The following TMEM132D variants were observed in gnomAD, a reference collection of about 807,000 sequenced individuals.
The protein encoded by TMEM132D is transmembrane protein 132D.
TMEM132D carries 21 observed loss-of-function variants against 62.3 expected under a neutral mutation model. That is an observed-to-expected ratio of 0.34 (90% CI 0.24 to 0.49). TMEM132D has a LOEUF of 0.49. TMEM132D is among the 20% of genes least tolerant of loss of function. The probability of loss-of-function intolerance (pLI) is 0.99; values close to 1 mark genes in which losing one functional copy is unlikely to be tolerated. For synonymous variants in TMEM132D, 621 were observed against 575.6 expected, an observed-to-expected ratio of 1.08 and a Z score of -1.13; for missense variants, 1,346 against 1,402.8, an observed-to-expected ratio of 0.96 and a Z score of 0.65.
rs1460943478 is a variant in TMEM132D, at chr12:129,432,539, C to T, written c.1116-94722G>A. ...GACAACTTTTCTTCATTGGCATGGG[C>T]CATAAAGGAATGAGAGTGGTCTCAG... On this transcript the variant is annotated intron_variant, in intron 3 of 8. Coordinates refer to ENST00000422113, the MANE Select transcript of TMEM132D (RefSeq NM_133448.3). Among the ~76,000 whole-genome samples, 3 of 152,146 alleles carry T rather than the reference C, an allele frequency of 2.0e-5. No individual in the cohort carries two copies. In the East Asian group the frequency reaches 5.8e-4, roughly 29 times the overall value.
At chr12:129,607,870 T>C (rs1178056760) in intron 2 of TMEM132D, among the ~76,000 whole-genome samples, 1 of 152,182 alleles carries the variant, frequency 6.6e-6, no homozygotes, top group African/African-American at 2.4e-5. Flanking sequence ...CAGCTTTTAA[T>C]TCCACCCATC....
intron 3 of TMEM132D, among the ~76,000 whole-genome samples, chr12:129,421,370 G>C (rs1032403664): frequency 6.6e-6 from 1 of 152,160 alleles, no homozygotes; most frequent in African/African-American, 2.4e-5. Flanking sequence ...TCACAAATCA[G>C]CTACACTAAT....
At chr12:129,265,665 T>C (rs1880669316) in intron 4 of TMEM132D, among the ~76,000 whole-genome samples, 1 of 152,046 alleles carries the variant, frequency 6.6e-6, no homozygotes, top group South Asian at 2.1e-4. Flanking sequence ...CCTGGCCTGC[T>C]TGGGGCTCCT....
intron 4 of TMEM132D, among the ~76,000 whole-genome samples, chr12:129,299,332 G>A (rs991861136): frequency 7.2e-5 from 11 of 151,896 alleles, no homozygotes; most frequent in Non-Finnish European, 1.5e-5. Flanking sequence ...TACTGTTGGA[G>A]CTCCTGGATC....
At chr12:129,672,308 C>A (rs990925542) in intron 2 of TMEM132D, among the ~76,000 whole-genome samples, 1 of 152,178 alleles carries the variant, frequency 6.6e-6, no homozygotes, top group African/African-American at 2.4e-5. Flanking sequence ...CATAACCCTG[C>A]GCACTCTCAT....
chr12:129,322,401 A>T (rs1868747857), intron 4 of TMEM132D, among the ~76,000 whole-genome samples: 1 of 152,228 alleles, frequency 6.6e-6, no homozygotes, highest in Non-Finnish European at 1.5e-5. Flanking sequence ...CATGATGGCC[A>T]TTTCTCTTGA....
intron 6 of TMEM132D, among the ~76,000 whole-genome samples, chr12:129,083,898 C>T (rs1874529385): frequency 6.6e-6 from 1 of 152,178 alleles, no homozygotes; most frequent in South Asian, 2.1e-4. Flanking sequence ...CTACCAAGCA[C>T]CATCGGGGTA....
intron 2 of TMEM132D, among the ~76,000 whole-genome samples, chr12:129,674,304 A>G (rs1393826806): frequency 6.6e-6 from 1 of 152,204 alleles, no homozygotes; most frequent in East Asian, 1.9e-4. Context: ...GGCAAATAAA[A>G]TGGATAAATT....
At chr12:129,078,395 G>T (rs769400733) in intron 8 of TMEM132D, 139 bp downstream of exon 8, 7 of 778,810 alleles carry the variant, frequency 9.0e-6, no homozygotes, top group African/African-American at 1.7e-5. Context: ...CTTCAGAAGA[G>T]CCCTTTGCAG....
intron 1 of TMEM132D, among the ~76,000 whole-genome samples, chr12:129,765,928 C>G (rs1870537654): frequency 6.6e-6 from 1 of 152,194 alleles, no homozygotes; most frequent in South Asian, 2.1e-4. Context: ...TTCTGCTCAC[C>G]AGTGTCTGCT....
Position 129,338,689 on chromosome 12 carries a change from C to T in TMEM132D, c.1116-872G>A, listed in dbSNP as rs1161078122. The stretch of plus-strand genomic sequence containing the variant: ...TTTTAAAGCCTCAGTGGCCAAACAA[C>T]GTCTACGTGTCAGATCTATTTCTAA... On this transcript the variant is annotated intron_variant, in intron 3 of 8. Transcript: ENST00000422113. Among the ~76,000 whole-genome samples the T allele has an allele frequency of 3.9e-5, 6 of 152,324 alleles. 1 individual carries two copies. Among genetic ancestry groups the T allele is most frequent in the East Asian group, 3.9e-4 (2 of 5,182 alleles).
At chr12:129,518,356 T>C (rs1489635005) in intron 3 of TMEM132D, among the ~76,000 whole-genome samples, 1 of 152,156 alleles carries the variant, frequency 6.6e-6, no homozygotes, top group Non-Finnish European at 1.5e-5. Context: ...GCCTTTGGTG[T>C]CCTCCTATAC....
chr12:129,652,767 G>T (rs866195883), intron 2 of TMEM132D, among the ~76,000 whole-genome samples: 49 of 152,330 alleles, frequency 3.2e-4, no homozygotes, highest in African/African-American at 1.2e-3. Flanking sequence ...CAACACGTTT[G>T]TGCTGCTTTC....
At position 129,371,959 on chromosome 12, in the gene TMEM132D, T is replaced by C. The variant is rs1411009438; in HGVS notation, c.1116-34142A>G. Among the ~76,000 whole-genome samples, 1 of 152,180 alleles carries C rather than the reference T, an allele frequency of 6.6e-6. No homozygotes were observed. Among genetic ancestry groups the C allele is most frequent in the Non-Finnish European group, 1.5e-5 (1 of 68,038 alleles). The stretch of plus-strand genomic sequence containing the variant: ...GTGATAGTTAGCATGTGGACCAGTG[T>C]GATGGTCATTTTATATGTCAACTTA... On this transcript the variant is annotated intron_variant, in intron 3 of 8. Transcript: ENST00000422113. This position sits in a 1 kb window ranked among gnomAD's most constrained non-coding sequence, Gnocchi z 4.3.
Position 129,071,968 on chromosome 12 carries a change from G to C in TMEM132D, c.*1907C>G, listed in dbSNP as rs146595354. 1 of 152,156 alleles carries C rather than the reference G, an allele frequency of 6.6e-6. No individual in the cohort carries two copies. Among genetic ancestry groups the C allele is most frequent in the African/African-American group, 2.4e-5 (1 of 41,410 alleles). 9.4% of individuals were successfully genotyped at this position (152,156 alleles called of 1,614,324 possible). A position where few individuals can be genotyped will look rare whatever the true frequency, so the allele number is the denominator to read the frequency against. Reference sequence around the variant, plus strand: ...AACCAAACAAGGTAGGTAAGCTTGCGGACAGGAGCAGGTGACTTACTGGCT... The same window carrying C: ...AACCAAACAAGGTAGGTAAGCTTGCCGACAGGAGCAGGTGACTTACTGGCT... On this transcript the variant is annotated 3_prime_UTR_variant, in exon 9 of 9. Coordinates refer to ENST00000422113, the MANE Select transcript of TMEM132D (RefSeq NM_133448.3).
intron 3 of TMEM132D, among the ~76,000 whole-genome samples, chr12:129,529,022 A>G (rs1458779403): frequency 2.6e-5 from 4 of 152,246 alleles, no homozygotes; most frequent in African/African-American, 9.6e-5. Flanking sequence ...AATATGCTGT[A>G]TGCATGTACA....
intron 4 of TMEM132D, among the ~76,000 whole-genome samples, chr12:129,281,431 A>AAG: frequency 6.6e-6 from 1 of 151,208 alleles, no homozygotes; most frequent in East Asian, 1.9e-4. Context: ...TTTTTTTTAA[A>AAG]AAAAAAAAGA....
chr12:129,215,576 G>A (rs997690114), intron 4 of TMEM132D, among the ~76,000 whole-genome samples: 2 of 152,210 alleles, frequency 1.3e-5, no homozygotes, highest in Non-Finnish European at 2.9e-5. Context: ...ACTAGGCACA[G>A]ATAATGTTGG....
chr12:129,653,600 A>C (rs1879988599), intron 2 of TMEM132D, among the ~76,000 whole-genome samples: 1 of 152,176 alleles, frequency 6.6e-6, no homozygotes, highest in Non-Finnish European at 1.5e-5. Context: ...TATCTCCACG[A>C]CGCCACCAAT....
Sources: allele counts gnomAD v4.1 joint callset (sites outside exome capture counted in the v4.1 genomes callset), GRCh38; gene constraint gnomAD v4.1.1; non-coding constraint Gnocchi (gnomAD v3.1); transcripts MANE v1.5; gene names NCBI Gene and HGNC (gene_info 2026-07-23, HGNC 2026-07-21).